MEF2C: variants seen among roughly 807,000 people sequenced by gnomAD.
The protein encoded by MEF2C is myocyte-specific enhancer factor 2C.
A neutral mutation model predicts 50.5 loss-of-function variants in MEF2C; 6 were observed. The ratio of observed to expected loss-of-function variants is 0.12; its 90% CI spans 0.07 to 0.23. The LOEUF is 0.23. MEF2C is among the 10% of genes least tolerant of loss of function. MEF2C has a pLI of 1.00. For missense variants in MEF2C, 276 were observed against 605.0 expected (o/e 0.46, Z 5.70); for synonymous variants, 183 against 228.0 (o/e 0.80, Z 1.78).
chr5:88,895,011 G>C (rs1224793039), intron 1 of MEF2C, among the ~76,000 whole-genome samples: 2 of 152,136 alleles, frequency 1.3e-5, no homozygotes, highest in Admixed American at 6.6e-5. Context: ...ATTTTGCCGA[G>C]AGAAGCACAT....
intron 2 of MEF2C, among the ~76,000 whole-genome samples, chr5:88,821,758 AG>A (rs1808491446): frequency 6.6e-6 from 1 of 151,796 alleles, no homozygotes; most frequent in African/African-American, 2.4e-5. Flanking sequence ...TAGGCTGGGA[AG>A]GGTAGCTGGG....
chr5:88,838,075 A>T (rs1390354069), intron 1 of MEF2C, among the ~76,000 whole-genome samples: 1 of 152,210 alleles, frequency 6.6e-6, no homozygotes, highest in African/African-American at 2.4e-5. Context: ...TTGGATCAAT[A>T]TATCAATCCA....
intron 3 of MEF2C, chr5:88,766,797 C>T (rs1780247672): frequency 1.0e-6 from 1 of 985,312 alleles, no homozygotes; most frequent in Non-Finnish European, 1.2e-6. Context: ...GGAATTATTA[C>T]TATTAGTTGC....
chr5:88,718,655 C>T lies in MEF2C; in HGVS notation c.*3949G>A, dbSNP rs1054254491. On this transcript the variant is annotated 3_prime_UTR_variant, in exon 11 of 11. Coordinates refer to ENST00000504921, the MANE Select transcript of MEF2C (RefSeq NM_002397.5). ...CACTGGTACTGCATTCAAACCACAA[C>T]AGAATCCGTCACTTAACTGACCTCT... 1 of 152,198 alleles carries T rather than the reference C, an allele frequency of 6.6e-6. No homozygotes were observed. The highest frequency in any genetic ancestry group is 2.4e-5 in the African/African-American group (1 of 41,438). The allele number at this position is 152,198 out of a possible 1,614,324, so 9.4% of individuals were successfully genotyped here.
intron 1 of MEF2C, among the ~76,000 whole-genome samples, chr5:88,897,645 A>T (rs895574317): frequency 3.3e-5 from 5 of 152,186 alleles, no homozygotes; most frequent in African/African-American, 1.2e-4. Flanking sequence ...ATTTGATGAC[A>T]CTTATTTTCC....
chr5:88,792,451 C>G (rs1328071177), intron 3 of MEF2C, among the ~76,000 whole-genome samples: 1 of 152,152 alleles, frequency 6.6e-6, no homozygotes, highest in African/African-American at 2.4e-5. Context: ...ATTCCAAAAT[C>G]ACAAGGTACA....
intron 10 of MEF2C, among the ~76,000 whole-genome samples, chr5:88,727,068 CT>C (rs1353620564): frequency 6.6e-6 from 1 of 152,004 alleles, no homozygotes; most frequent in East Asian, 1.9e-4. Flanking sequence ...GCAGTTGATA[CT>C]TTGTACAAAA....
chr5:88,831,206 T>C (rs1812869937), intron 1 of MEF2C, among the ~76,000 whole-genome samples: 1 of 152,110 alleles, frequency 6.6e-6, no homozygotes, highest in Non-Finnish European at 1.5e-5. Flanking sequence ...CTGATACATT[T>C]GTGCATGTGT....
rs536610033 is a variant in MEF2C at position 88,767,257 on chromosome 5, C to A, written c.259-5929G>T. On this transcript the variant is annotated intron_variant, in intron 3 of 10. Transcript: ENST00000504921. ...CAAATTTAAAACTAAAAAGCTCTGA[C>A]CTGACTTATAACATTGTATGGTTTT... Among the ~76,000 whole-genome samples the A allele has an allele frequency of 4.6e-5, 7 of 152,306 alleles. No homozygotes were observed. In the East Asian group the frequency reaches 1.3e-3, roughly 29 times the overall value.
intron 1 of MEF2C, among the ~76,000 whole-genome samples, chr5:88,826,112 C>T (rs1562245844): frequency 6.6e-6 from 1 of 151,856 alleles, no homozygotes; most frequent in African/African-American, 2.4e-5. Context: ...ATATCATCAC[C>T]CCATATTTCA....
upstream of MEF2C, among the ~76,000 whole-genome samples, chr5:88,887,999 T>A (rs1401897094): frequency 6.6e-6 from 1 of 152,250 alleles, no homozygotes; most frequent in Non-Finnish European, 1.5e-5. Context: ...GAATGTCAAA[T>A]CCATTATATC....
In MEF2C at chr5:88,722,147, C is replaced by A; in HGVS notation, c.*457G>T. 1 of 156,684 alleles carries A rather than the reference C, an allele frequency of 6.4e-6. No homozygotes were observed. The highest frequency in any genetic ancestry group is 1.4e-5 in the Non-Finnish European group (1 of 70,418). The allele number at this position is 156,684 out of a possible 1,614,324, so 9.7% of individuals were successfully genotyped here. On this transcript the variant is annotated 3_prime_UTR_variant, in exon 11 of 11. Coordinates refer to ENST00000504921, the MANE Select transcript of MEF2C (RefSeq NM_002397.5). Reference sequence around the variant, plus strand: ...GACCTGGTGTGTTCCTAACATTTACCAATGGCCACCCATTACCGGGTCTGT... The same window carrying A: ...GACCTGGTGTGTTCCTAACATTTACAAATGGCCACCCATTACCGGGTCTGT...
chr5:88,773,282 T>A (rs1333258231), intron 3 of MEF2C, among the ~76,000 whole-genome samples: 1 of 152,080 alleles, frequency 6.6e-6, no homozygotes, highest in Non-Finnish European at 1.5e-5. Flanking sequence ...TACAATGAAA[T>A]CTAAAAACAC....
chr5:88,847,962 G>A (rs980470783), intron 1 of MEF2C, among the ~76,000 whole-genome samples: 2 of 152,132 alleles, frequency 1.3e-5, no homozygotes, highest in African/African-American at 4.8e-5. Flanking sequence ...ACAAAAGTTA[G>A]AGTCAAATAA....
intron 1 of MEF2C, among the ~76,000 whole-genome samples, chr5:88,842,481 C>CT: frequency 6.6e-6 from 1 of 151,334 alleles, no homozygotes; most frequent in East Asian, 1.9e-4. Context: ...CAATGACTCT[C>CT]TAACATATAA....
intron 1 of MEF2C, chr5:88,844,602 T>A: frequency 1.2e-6 from 1 of 802,844 alleles, no homozygotes; most frequent in Non-Finnish European, 1.5e-6. Flanking sequence ...TATTTGTAGT[T>A]TTAACACAGT....
chr5:88,809,277 T>C (rs1486634095), intron 2 of MEF2C, among the ~76,000 whole-genome samples: 33 of 152,102 alleles, frequency 2.2e-4, no homozygotes, highest in Admixed American at 2.2e-3. Context: ...AAAAGAAACA[T>C]TCATTAAATA....
chr5:88,863,207 T>C (rs1161473173), intron 1 of MEF2C, among the ~76,000 whole-genome samples: 1 of 152,250 alleles, frequency 6.6e-6, no homozygotes. Context: ...GCCTGCAGTA[T>C]AGTGTTTATC....
At chr5:88,811,056 C>A (rs1802570004) in intron 2 of MEF2C, among the ~76,000 whole-genome samples, 1 of 152,014 alleles carries the variant, frequency 6.6e-6, no homozygotes, top group Non-Finnish European at 1.5e-5. Context: ...AATTAATTAT[C>A]CTACTGATCT....
Sources: allele counts gnomAD v4.1 joint callset (sites outside exome capture counted in the v4.1 genomes callset), GRCh38; gene constraint gnomAD v4.1.1; transcripts MANE v1.5; gene names NCBI Gene and HGNC (gene_info 2026-07-23, HGNC 2026-07-21).